SAMD4A: variants seen among roughly 807,000 people sequenced by gnomAD.
SAMD4A encodes sterile alpha motif domain containing 4A, also known as protein Smaug homolog 1.
In SAMD4A, 33 loss-of-function variants were observed where a neutral mutation model predicts 81.3. The observed-to-expected ratio is 0.41, with a 90% CI of 0.31 to 0.54. The LOEUF (loss-of-function observed/expected upper bound fraction) is 0.54. SAMD4A is among the 20% of genes least tolerant of loss of function. The pLI, the probability that SAMD4A is intolerant of heterozygous loss-of-function variation, is 0.37. For synonymous variants in SAMD4A, 389 were observed against 382.1 expected, an observed-to-expected ratio of 1.02 and a Z score of -0.21; for missense variants, 854 against 951.1, an observed-to-expected ratio of 0.90 and a Z score of 1.34.
chr14:54,741,568 TG>T (rs200714316), intron 4 of SAMD4A, among the ~76,000 whole-genome samples: 2,350 of 152,352 alleles, frequency 0.015, 35 homozygotes, highest in Middle Eastern at 0.092. Flanking sequence ...TGAGAGCTAC[TG>T]TTCCTGCCTG....
chr14:54,723,622 A>G (rs2037318686), intron 3 of SAMD4A, among the ~76,000 whole-genome samples: 1 of 152,222 alleles, frequency 6.6e-6, no homozygotes, highest in Admixed American at 6.5e-5. Flanking sequence ...CTTCACCTTC[A>G]TGGAAAGTGT....
intron 2 of SAMD4A, among the ~76,000 whole-genome samples, chr14:54,625,388 G>T (rs2034720849): frequency 1.3e-5 from 2 of 152,224 alleles, no homozygotes; most frequent in South Asian, 2.1e-4. Flanking sequence ...CTGCACCAGG[G>T]TGTGAGGTTG....
At chr14:54,579,045 G>A (rs563689610) in intron 2 of SAMD4A, among the ~76,000 whole-genome samples, 1 of 152,296 alleles carries the variant, frequency 6.6e-6, no homozygotes, top group African/African-American at 2.4e-5. Context: ...TTCTCTCCGT[G>A]TAGTTCTAAA....
intron 2 of SAMD4A, among the ~76,000 whole-genome samples, chr14:54,630,264 A>G (rs2034862897): frequency 1.3e-5 from 2 of 152,212 alleles, no homozygotes. Flanking sequence ...ACTGTTTTCC[A>G]TAGCAGCTGC....
chr14:54,682,986 G>A (rs567696574), intron 2 of SAMD4A, among the ~76,000 whole-genome samples: 71 of 152,296 alleles, frequency 4.7e-4, no homozygotes, highest in South Asian at 1.2e-3. Flanking sequence ...CAGTGCTTCC[G>A]TCATGTGCTG....
At chr14:54,692,881 C>CA (rs1555343998) in intron 2 of SAMD4A, 5 of 146,326 alleles carry the variant, frequency 3.4e-5, no homozygotes, top group Non-Finnish European at 6.1e-5. Context: ...TTAGTGCCCC[C>CA]CCCCGCAAAA....
chr14:54,606,108 G>A lies in SAMD4A; in HGVS notation c.196+37996G>A, dbSNP rs142271837. On this transcript the variant is annotated intron_variant, in intron 2 of 12. Coordinates refer to ENST00000554335, the MANE Select transcript of SAMD4A (RefSeq NM_015589.6). ...AAAAAGAAGCTTAATGTGCAGCCCC[G>A]CCTTTTAGAAAATATGAAGCATGTC... is the stretch of plus-strand genomic sequence containing the variant. Among the ~76,000 whole-genome samples the A allele has an allele frequency of 3.1e-3, 464 of 151,926 alleles. 3 individuals are homozygous for A. The highest frequency in any genetic ancestry group is 3.8e-3 in the Non-Finnish European group (255 of 67,962).
chr14:54,654,421 T>A (rs1448230890), intron 2 of SAMD4A, among the ~76,000 whole-genome samples: 1 of 152,128 alleles, frequency 6.6e-6, no homozygotes, highest in Non-Finnish European at 1.5e-5. Flanking sequence ...CCCTCCCTGG[T>A]TGAGGTCAGG....
At chr14:54,705,546 A>G (rs1455789282) in intron 3 of SAMD4A, among the ~76,000 whole-genome samples, 1 of 150,906 alleles carries the variant, frequency 6.6e-6, no homozygotes, top group African/African-American at 2.4e-5. Flanking sequence ...ATAAAAGGTA[A>G]CCAGAAGGCC....
intron 5 of SAMD4A, among the ~76,000 whole-genome samples, chr14:54,750,387 G>A (rs2038073612): frequency 6.6e-6 from 1 of 152,176 alleles, no homozygotes; most frequent in African/African-American, 2.4e-5. Flanking sequence ...CTATGGAATA[G>A]TTGCAAGATG....
At chr14:54,633,174 G>T (rs953587108) in intron 2 of SAMD4A, among the ~76,000 whole-genome samples, 3 of 152,138 alleles carry the variant, frequency 2.0e-5, no homozygotes, top group African/African-American at 7.2e-5. Context: ...GTGGAGGCAG[G>T]GGAGCTATTT....
chr14:54,765,908 C>G (rs892093490), intron 8 of SAMD4A, among the ~76,000 whole-genome samples: 6 of 152,164 alleles, frequency 3.9e-5, no homozygotes, highest in Non-Finnish European at 7.4e-5. Flanking sequence ...TCCCCAAACC[C>G]TCATTTTTGC....
In SAMD4A at chr14:54,692,333, G is replaced by A. The variant is rs11847099; in HGVS notation, c.197-9729G>A. 3.4e-3 allele frequency among the ~76,000 whole-genome samples: 512 copies of A among 152,292 alleles called. 2 individuals are homozygous for A. The highest frequency in any genetic ancestry group is 0.012 in the African/African-American group (490 of 41,548). ...CCGTTTGCTCCACTGAATTAAGCAT[G>A]AACTATTCTTTTGTGATTCAGTCTG... On this transcript the variant is annotated intron_variant, in intron 2 of 12. Coordinates refer to ENST00000554335, the MANE Select transcript of SAMD4A (RefSeq NM_015589.6).
Position 54,587,731 on chromosome 14 carries a change from T to C in SAMD4A, c.196+19619T>C, listed in dbSNP as rs116059279. Among the ~76,000 whole-genome samples, 292 of 152,374 alleles carry C rather than the reference T, an allele frequency of 1.9e-3. 2 individuals are homozygous for C. Among genetic ancestry groups the C allele is most frequent in the African/African-American group, 6.8e-3 (284 of 41,594 alleles). The stretch of plus-strand genomic sequence containing the variant: ...TTAAATCATCCCTGCATCCCTGATA[T>C]GAAACCCGCTTGATTATGGTAGATT... On this transcript the variant is annotated intron_variant, in intron 2 of 12. Transcript: ENST00000554335.
At chr14:54,692,274 G>C (rs1402464262) in intron 2 of SAMD4A, among the ~76,000 whole-genome samples, 2 of 152,190 alleles carry the variant, frequency 1.3e-5, no homozygotes, top group African/African-American at 4.8e-5. Flanking sequence ...ACTTCCTGAG[G>C]TGTATAAACC....
At chr14:54,716,131 G>A (rs1393774771) in intron 3 of SAMD4A, among the ~76,000 whole-genome samples, 2 of 152,118 alleles carry the variant, frequency 1.3e-5, no homozygotes, top group African/African-American at 2.4e-5. Flanking sequence ...GCATGTTACT[G>A]GTCTTATTCA....
In SAMD4A at chr14:54,789,552, A is replaced by T. The variant is rs918613087; in HGVS notation, c.*608A>T. ...ACTTCAGCTAAACTTTGATTTGTGTATTGTTTACATAATAATTTTAAAGGG... is the reference window on the plus strand; with the variant it reads ...ACTTCAGCTAAACTTTGATTTGTGTTTTGTTTACATAATAATTTTAAAGGG... On this transcript the variant is annotated 3_prime_UTR_variant, in exon 13 of 13. Transcript: ENST00000554335. The T allele has an allele frequency of 2.6e-5, 4 of 153,254 alleles. No individual in the cohort carries two copies. The highest frequency in any genetic ancestry group is 9.6e-5 in the African/African-American group (4 of 41,468). 9.5% of individuals were successfully genotyped at this position (153,254 alleles called of 1,614,324 possible).
chr14:54,568,981 G>A (rs937361142), intron 2 of SAMD4A, among the ~76,000 whole-genome samples: 6 of 151,894 alleles, frequency 4.0e-5, no homozygotes, highest in African/African-American at 1.5e-4. Context: ...AGCGTGGGTG[G>A]TGACAGACTG....
chr14:54,772,349 C>T (rs1406144351), intron 9 of SAMD4A, among the ~76,000 whole-genome samples: 1 of 152,182 alleles, frequency 6.6e-6, no homozygotes, highest in Non-Finnish European at 1.5e-5. Context: ...TTAAGCCTAG[C>T]GATCTTAAGT....
Sources: allele counts gnomAD v4.1 joint callset (sites outside exome capture counted in the v4.1 genomes callset), GRCh38; gene constraint gnomAD v4.1.1; transcripts MANE v1.5; gene names NCBI Gene and HGNC (gene_info 2026-07-23, HGNC 2026-07-21).